The following PSD3 variants were observed in gnomAD, a reference collection of about 807,000 sequenced individuals.
The protein encoded by PSD3 is PH and SEC7 domain-containing protein 3.
In PSD3, 49 loss-of-function variants were observed where a neutral mutation model predicts 105.5. The ratio of observed to expected loss-of-function variants is 0.46; its 90% CI spans 0.37 to 0.59. The LOEUF (loss-of-function observed/expected upper bound fraction) is 0.59, where lower values mean the gene tolerates loss of function less well. Ranked by LOEUF, PSD3 falls within the 20% of genes least tolerant of loss-of-function variation. The probability of loss-of-function intolerance (pLI) is 0.00; values close to 1 mark genes in which losing one functional copy is unlikely to be tolerated. For synonymous variants in PSD3, 557 were observed against 457.8 expected (o/e 1.22, Z -2.77); for missense variants, 1,561 against 1,263.8 (o/e 1.24, Z -3.57).
rs564275431 is a variant in PSD3, at chr8:18,665,695, G to T, written c.2173-10010C>A. Among the ~76,000 whole-genome samples, 6 of 152,284 alleles carry T rather than the reference G, an allele frequency of 3.9e-5. No individual in the cohort carries two copies. In the South Asian group the frequency reaches 8.3e-4, roughly 21 times the overall value. ...CTACACAGAAATCTTTCATGAAAGA[G>T]TCTACAGCTGGGTGTGGGTGGCGTG... On this transcript the variant is annotated intron_variant, in intron 9 of 15. Coordinates refer to ENST00000327040, the MANE Select transcript of PSD3 (RefSeq NM_015310.4).
intron 8 of PSD3, among the ~76,000 whole-genome samples, chr8:18,765,979 C>CAA (rs1291130149): frequency 1.4e-5 from 2 of 147,396 alleles, no homozygotes; most frequent in Non-Finnish European, 3.0e-5. Flanking sequence ...AAAAAAAAAA[C>CAA]CAAAAACAAA....
At chr8:18,830,701 A>G (rs923840652) in intron 4 of PSD3, among the ~76,000 whole-genome samples, 3 of 152,242 alleles carry the variant, frequency 2.0e-5, no homozygotes, top group African/African-American at 7.2e-5. Context: ...AGACTGCAGC[A>G]TAACCCGAAC....
intron 9 of PSD3, among the ~76,000 whole-genome samples, chr8:18,755,513 A>G (rs1563228762): frequency 6.6e-6 from 1 of 151,112 alleles, no homozygotes; most frequent in Non-Finnish European, 1.5e-5. Context: ...CAAACATTCA[A>G]ACGTCTATGG....
At chr8:18,879,682 C>T (rs1021208487) in intron 2 of PSD3, among the ~76,000 whole-genome samples, 14 of 152,110 alleles carry the variant, frequency 9.2e-5, no homozygotes, top group East Asian at 1.9e-4. Context: ...CAGCCTCCTC[C>T]GGTGCTTAAG....
At chr8:18,572,814 AT>A in intron 13 of PSD3, 142 bp from the exon 14 acceptor site, 1 of 910,876 alleles carries the variant, frequency 1.1e-6, no homozygotes, top group Non-Finnish European at 1.7e-6. Context: ...ACAAAACTTC[AT>A]TAGAGATGAA....
chr8:18,548,999 C>T (rs752396025), intron 15 of PSD3, among the ~76,000 whole-genome samples: 1 of 152,076 alleles, frequency 6.6e-6, no homozygotes, highest in Non-Finnish European at 1.5e-5. Flanking sequence ...TAGGCAGCAT[C>T]CTACACGTCT....
chr8:18,698,546 G>C (rs73666692), intron 9 of PSD3, among the ~76,000 whole-genome samples: 1 of 152,152 alleles, frequency 6.6e-6, no homozygotes, highest in Non-Finnish European at 1.5e-5. Context: ...ACAGCTCTTA[G>C]AAGCTGGAAA....
chr8:18,938,389 G>A (rs1465619878), intron 1 of PSD3, among the ~76,000 whole-genome samples: 1 of 152,042 alleles, frequency 6.6e-6, no homozygotes, highest in Admixed American at 6.6e-5. Flanking sequence ...TGGGAGGCTG[G>A]GGTGGGCGCA....
At chr8:18,936,791 T>C (rs764931413) in intron 1 of PSD3, among the ~76,000 whole-genome samples, 12 of 152,134 alleles carry the variant, frequency 7.9e-5, no homozygotes, top group South Asian at 4.1e-4. Flanking sequence ...ATTTTGTTTT[T>C]AAACACATCA....
intron 1 of PSD3, among the ~76,000 whole-genome samples, chr8:19,026,612 C>A (rs997873726): frequency 3.3e-5 from 5 of 150,474 alleles, no homozygotes; most frequent in Non-Finnish European, 5.9e-5. Context: ...TGCCTATAAT[C>A]CCAGCACTCT....
rs1422408165 is a variant in PSD3 at position 18,533,583 on chromosome 8, T to C, written c.*2160A>G. The stretch of plus-strand genomic sequence containing the variant: ...TAAATAAGTAAAATACATACAGACA[T>C]TCTATATACATAGATATAGACTGTG... On this transcript the variant is annotated 3_prime_UTR_variant, in exon 16 of 16. Transcript: ENST00000327040. 1 of 152,198 alleles carries C rather than the reference T, an allele frequency of 6.6e-6. No individual in the cohort carries two copies. The highest frequency in any genetic ancestry group is 1.5e-5 in the Non-Finnish European group (1 of 68,036). 9.4% of individuals were successfully genotyped at this position (152,198 alleles called of 1,614,324 possible).
intron 8 of PSD3, among the ~76,000 whole-genome samples, chr8:18,775,249 A>G (rs546071202): frequency 2.6e-5 from 4 of 152,318 alleles, no homozygotes; most frequent in African/African-American, 9.6e-5. Context: ...CATTTTCTAT[A>G]TCCATTCATC....
At chr8:18,848,549 G>C (rs1309997645) in intron 4 of PSD3, among the ~76,000 whole-genome samples, 1 of 152,166 alleles carries the variant, frequency 6.6e-6, no homozygotes. Context: ...TTGTAGCAGT[G>C]GTGATTAAGT....
At chr8:18,562,652 G>T (rs570351428) in intron 14 of PSD3, among the ~76,000 whole-genome samples, 3 of 152,156 alleles carry the variant, frequency 2.0e-5, no homozygotes, top group African/African-American at 4.8e-5. Flanking sequence ...ACTTTAAGAG[G>T]CTGAGATGGG....
At chr8:18,759,899 CCT>C (rs1191953188) in intron 9 of PSD3, among the ~76,000 whole-genome samples, 1 of 150,398 alleles carries the variant, frequency 6.6e-6, no homozygotes, top group African/African-American at 2.5e-5. Context: ...ACTGAAAGGC[CCT>C]GTGTCTTTTC....
At chr8:18,938,385 G>T (rs1161582408) in intron 1 of PSD3, among the ~76,000 whole-genome samples, 1 of 151,926 alleles carries the variant, frequency 6.6e-6, no homozygotes. Context: ...ACTCTGGGAG[G>T]CTGGGGTGGG....
intron 9 of PSD3, among the ~76,000 whole-genome samples, chr8:18,688,795 T>G (rs1364192592): frequency 1.3e-5 from 2 of 152,198 alleles, no homozygotes; most frequent in Non-Finnish European, 2.9e-5. Context: ...TCTGAGGCCT[T>G]GACCATTTAT....
chr8:18,590,151 G>T (rs758484611), intron 12 of PSD3, among the ~76,000 whole-genome samples: 1 of 152,018 alleles, frequency 6.6e-6, no homozygotes, highest in Non-Finnish European at 1.5e-5. Context: ...TTTTAAAAAA[G>T]AATAATTCTT....
At chr8:18,968,163 G>A (rs1490803829) in intron 1 of PSD3, among the ~76,000 whole-genome samples, 1 of 152,052 alleles carries the variant, frequency 6.6e-6, no homozygotes, top group Non-Finnish European at 1.5e-5. Context: ...ACACAAAACT[G>A]TGCACCACTT....
Sources: gnomAD v4.1 joint callset for allele counts (sites outside exome capture counted in the v4.1 genomes callset) on GRCh38, gnomAD v4.1.1 for gene constraint, MANE v1.5 for transcripts, NCBI Gene and HGNC (gene_info 2026-07-23, HGNC 2026-07-21) for gene names.